FHL5: variants seen among roughly 807,000 people sequenced by gnomAD.
The protein encoded by FHL5 is four and a half LIM domains 5, also known as four and a half LIM domains protein 5.
In FHL5, 33 loss-of-function variants were observed where a neutral mutation model predicts 32.0. The ratio of observed to expected loss-of-function variants is 1.03; its 90% confidence interval spans 0.78 to 1.38. The LOEUF is 1.38. Ranked by LOEUF, FHL5 falls within the 40% of genes most tolerant of loss-of-function variation. The pLI, the probability that FHL5 is intolerant of heterozygous loss-of-function variation, is 0.00. For synonymous variants in FHL5, 114 were observed against 113.6 expected, an observed-to-expected ratio of 1.00 and a Z score of -0.02; for missense variants, 336 against 343.9, an observed-to-expected ratio of 0.98 and a Z score of 0.18.
chr6:96,593,878 C>T (rs536357052), intron 1 of FHL5, among the ~76,000 whole-genome samples: 8 of 152,044 alleles, frequency 5.3e-5, no homozygotes, highest in African/African-American at 9.7e-5. Context: ...TGGTTCACAG[C>T]AGCCTCATGG....
intron 1 of FHL5, among the ~76,000 whole-genome samples, chr6:96,575,686 T>G (rs1240128939): frequency 6.6e-6 from 1 of 152,162 alleles, no homozygotes; most frequent in East Asian, 1.9e-4. Context: ...GAGAAACTCC[T>G]TTAAAGGGCA....
chr6:96,617,976 T>C lies in FHL5; in HGVS notation c.*2204T>C, dbSNP rs1360305931. 6.6e-6 allele frequency among the ~76,000 whole-genome samples: 1 copy of C among 152,180 alleles called. No homozygotes were observed. Among genetic ancestry groups the C allele is most frequent in the Non-Finnish European group, 1.5e-5 (1 of 68,028 alleles). ...ATGTACTATGCCAAAAGTTAGAGCTTATACTGTTGTGGGTCTGGAGTTGTA... is the reference window on the plus strand; with the variant it reads ...ATGTACTATGCCAAAAGTTAGAGCTCATACTGTTGTGGGTCTGGAGTTGTA... On this transcript the variant is annotated 3_prime_UTR_variant, in exon 6 of 6. Coordinates refer to ENST00000450218, the MANE Select transcript of FHL5 (RefSeq NM_001322466.2).
At chr6:96,596,404 C>T (rs1261485747) in intron 1 of FHL5, among the ~76,000 whole-genome samples, 1 of 152,146 alleles carries the variant, frequency 6.6e-6, no homozygotes, top group African/African-American at 2.4e-5. Flanking sequence ...ACTCTGAAAT[C>T]TGACATCAGA....
chr6:96,610,635 A>C lies in FHL5; in HGVS notation c.568A>C (p.Ser190Arg). Reference sequence around the variant, plus strand: ...ATGGCATAAAGAGTGTTTTCTGTGTAGTGGCTGTAGGAAAGATCTCTGTGA... The same window carrying C: ...ATGGCATAAAGAGTGTTTTCTGTGTCGTGGCTGTAGGAAAGATCTCTGTGA... ...QLWHKECFLC[S>R]GCRKDLCEEQ... The change falls in exon 5 of 6, where the codon AGT becomes CGT. Residue 190 changes from serine to arginine, a missense_variant. Ser to Arg is a moderately radical substitution (Grantham distance 110). Coordinates refer to ENST00000450218, the MANE Select transcript of FHL5 (RefSeq NM_001322466.2). The C allele has an allele frequency of 1.2e-6, 2 of 1,613,868 alleles. No individual in the cohort carries two copies. Among genetic ancestry groups the C allele is most frequent in the Non-Finnish European group, 1.7e-6 (2 of 1,179,772 alleles).
At chr6:96,611,453 C>G (rs1771406864) in intron 5 of FHL5, among the ~76,000 whole-genome samples, 1 of 152,090 alleles carries the variant, frequency 6.6e-6, no homozygotes, top group African/African-American at 2.4e-5. Flanking sequence ...AGAAATACAT[C>G]TTTTCCTCAG....
intron 1 of FHL5, among the ~76,000 whole-genome samples, chr6:96,565,641 A>G (rs1410118662): frequency 1.3e-5 from 2 of 152,114 alleles, no homozygotes; most frequent in Admixed American, 6.5e-5. Context: ...GTCTCCTCCC[A>G]TTTAAAAATA....
chr6:96,580,600 T>C (rs1244211033), intron 1 of FHL5, among the ~76,000 whole-genome samples: 2 of 152,196 alleles, frequency 1.3e-5, no homozygotes, highest in African/African-American at 4.8e-5. Flanking sequence ...ACTCTCCTTT[T>C]ATCACTATGT....
At chr6:96,612,744 CT>C (rs1054653020) in intron 5 of FHL5, among the ~76,000 whole-genome samples, 12 of 151,880 alleles carry the variant, frequency 7.9e-5, no homozygotes, top group African/African-American at 1.9e-4. Flanking sequence ...CTATCTTAAT[CT>C]TTTTTTTAAC....
rs780881302 is a variant in FHL5, at chr6:96,610,102, AG to A, written c.505-469del. Among the ~76,000 whole-genome samples, 7 of 152,346 alleles carry A rather than the reference AG, an allele frequency of 4.6e-5. No individual in the cohort carries two copies. In the South Asian group the frequency reaches 1.4e-3, roughly 32 times the overall value. ...GAAGAATTCTTTTAAGCATCCCTAA[AG>A]TTAGACAGGTAGTTATAAGAACATA... is the stretch of plus-strand genomic sequence containing the variant. On this transcript the variant is annotated intron_variant, in intron 4 of 5. Transcript: ENST00000450218.
intron 1 of FHL5, among the ~76,000 whole-genome samples, chr6:96,578,209 C>T (rs1281888552): frequency 6.6e-6 from 1 of 152,136 alleles, no homozygotes; most frequent in East Asian, 1.9e-4. Context: ...CTCTGCTCTT[C>T]CCCTCCTTTC....
chr6:96,605,274 C>A (rs774443981), intron 3 of FHL5, among the ~76,000 whole-genome samples: 2 of 152,268 alleles, frequency 1.3e-5, no homozygotes, highest in South Asian at 4.1e-4. Flanking sequence ...TCATCATAGG[C>A]GATTGGGGCC....
At chr6:96,563,795 CACTT>C (rs963443254) in intron 1 of FHL5, among the ~76,000 whole-genome samples, 1 of 152,112 alleles carries the variant, frequency 6.6e-6, no homozygotes, top group Non-Finnish European at 1.5e-5. Flanking sequence ...ATTTTGAAGT[CACTT>C]ACAGGTTTTA....
intron 1 of FHL5, among the ~76,000 whole-genome samples, chr6:96,576,920 G>A (rs528720278): frequency 4.1e-4 from 62 of 152,282 alleles, no homozygotes; most frequent in South Asian, 1.0e-3. Context: ...CAAGGGAATG[G>A]TAACAGATTT....
chr6:96,603,588 T>G lies in FHL5; in HGVS notation c.-12-14T>G, dbSNP rs1225094265. 16 of 1,596,222 alleles carry G rather than the reference T, an allele frequency of 1.0e-5. No individual in the cohort carries two copies. Among genetic ancestry groups the G allele is most frequent in the African/African-American group, 4.0e-5 (3 of 74,424 alleles). On this transcript the variant is annotated splice_polypyrimidine_tract_variant and intron_variant, in intron 1 of 5. Coordinates refer to ENST00000450218, the MANE Select transcript of FHL5 (RefSeq NM_001322466.2). ...TTCTGCTTTTATATACATTAATCACTTTGTCATTCATAGGATCAAACCAAA... is the reference window on the plus strand; with the variant it reads ...TTCTGCTTTTATATACATTAATCACGTTGTCATTCATAGGATCAAACCAAA...
intron 1 of FHL5, among the ~76,000 whole-genome samples, chr6:96,570,626 A>G (rs1199272728): frequency 6.6e-6 from 1 of 152,056 alleles, no homozygotes; most frequent in Non-Finnish European, 1.5e-5. Context: ...CATAATACAA[A>G]TATCTGTTTG....
In FHL5 at chr6:96,610,691, A is replaced by G. The variant is rs2273622; in HGVS notation, c.624A>G (p.Pro208=). 289,427 of 1,612,608 alleles carry G rather than the reference A, an allele frequency of 0.18. 26,971 individuals are homozygous for G. Among genetic ancestry groups the G allele is most frequent in the Middle Eastern group, 0.22 (1,363 of 6,058 alleles). ...AGTTCATGTCCAGAGACGACTATCC[A>G]TTCTGCGTGGACTGCTACAACCATC... is the stretch of plus-strand genomic sequence containing the variant. ...EEQFMSRDDY[P]FCVDCYNHLY... Residue 208 remains proline (P), a synonymous_variant, in exon 5 of 6, where the codon CCA becomes CCG. Transcript: ENST00000450218.
At chr6:96,597,375 A>T (rs375155140) in intron 1 of FHL5, among the ~76,000 whole-genome samples, 1 of 59,450 alleles carries the variant, frequency 1.7e-5, no homozygotes, top group Non-Finnish European at 3.3e-5. Context: ...CACAAAAAAA[A>T]TCACATTTTG....
At chr6:96,568,426 T>G (rs1293226498) in intron 1 of FHL5, among the ~76,000 whole-genome samples, 1 of 151,884 alleles carries the variant, frequency 6.6e-6, no homozygotes, top group African/African-American at 2.4e-5. Context: ...GTTTTCTTTT[T>G]TTGTTGTTGC....
Position 96,615,925 on chromosome 6 carries a change from C to G in FHL5, c.*153C>G. 1 of 564,598 alleles carries G rather than the reference C, an allele frequency of 1.8e-6. No homozygotes were observed. The highest frequency in any genetic ancestry group is 3.0e-6 in the Non-Finnish European group (1 of 336,016). 35.0% of individuals were successfully genotyped at this position (564,598 alleles called of 1,614,324 possible). On this transcript the variant is annotated 3_prime_UTR_variant, in exon 6 of 6. Coordinates refer to ENST00000450218, the MANE Select transcript of FHL5 (RefSeq NM_001322466.2). ...GCACACATTTTGATCGAACTATATT[C>G]TAAGCACACAAAAAGCACAGTAGAA...
Sources: allele counts gnomAD v4.1 joint callset (sites outside exome capture counted in the v4.1 genomes callset), GRCh38; gene constraint gnomAD v4.1.1; transcripts MANE v1.5; gene names NCBI Gene and HGNC (gene_info 2026-07-23, HGNC 2026-07-21).